The following ACTR3C variants were observed in gnomAD, a reference collection of about 807,000 sequenced individuals.
ACTR3C encodes actin-related protein 3C.
A neutral mutation model predicts 26.3 loss-of-function variants in ACTR3C; 18 were observed. The ratio of observed to expected loss-of-function variants is 0.68; its 90% confidence interval spans 0.47 to 1.01. The LOEUF (loss-of-function observed/expected upper bound fraction) is 1.01. Ranked by LOEUF, ACTR3C falls within the 50% of genes least tolerant of loss-of-function variation. ACTR3C has a pLI of 0.00. For missense variants in ACTR3C, 184 were observed against 250.7 expected (o/e 0.73, Z 1.80); for synonymous variants, 55 against 94.5 (o/e 0.58, Z 2.42).
the ACTR3C span, among the ~76,000 whole-genome samples, chr7:150,059,262 T>C: frequency 6.6e-6 from 1 of 152,206 alleles, no homozygotes; most frequent in Non-Finnish European, 1.5e-5. Context: ...AATCAGTTGT[T>C]ACAGAGGGGA....
At chr7:150,190,573 G>A in the ACTR3C span, among the ~76,000 whole-genome samples, 4 of 152,178 alleles carry the variant, frequency 2.6e-5, no homozygotes, top group South Asian at 4.1e-4. Flanking sequence ...CGCATGTCCC[G>A]TCTTCCCAGC....
At chr7:150,172,390 G>A in the ACTR3C span, among the ~76,000 whole-genome samples, 3 of 150,558 alleles carry the variant, frequency 2.0e-5, no homozygotes, top group African/African-American at 5.0e-5. Flanking sequence ...GGAAACCCCT[G>A]ATAAACACAT....
the ACTR3C span, among the ~76,000 whole-genome samples, chr7:150,089,642 T>C: frequency 1.3e-5 from 2 of 152,324 alleles, no homozygotes; most frequent in South Asian, 2.1e-4. Flanking sequence ...CTCAATGGCA[T>C]ATTGGAGACC....
At chr7:150,198,760 G>A in the ACTR3C span, among the ~76,000 whole-genome samples, 2 of 146,558 alleles carry the variant, frequency 1.4e-5, no homozygotes, top group Admixed American at 1.3e-4. Flanking sequence ...GGTGGGGGGG[G>A]GTCAGCCCCC....
At chr7:149,915,391 T>C in the ACTR3C span, among the ~76,000 whole-genome samples, 3,038 of 152,162 alleles carry the variant, frequency 0.02, 111 homozygotes, top group African/African-American at 0.068. Context: ...AAGAATACAC[T>C]ACATAACTAC....
the ACTR3C span, among the ~76,000 whole-genome samples, chr7:150,041,734 G>A: frequency 6.9e-6 from 1 of 144,942 alleles, no homozygotes; most frequent in African/African-American, 2.7e-5. Flanking sequence ...CTCCTGCGAT[G>A]GGGGTCCTAA....
At chr7:150,140,499 C>T in the ACTR3C span, among the ~76,000 whole-genome samples, 3 of 152,050 alleles carry the variant, frequency 2.0e-5, no homozygotes, top group African/African-American at 7.2e-5. Context: ...ATCAGTGCGG[C>T]AAACCTCACT....
At chr7:150,104,577 T>C in the ACTR3C span, among the ~76,000 whole-genome samples, 8 of 148,376 alleles carry the variant, frequency 5.4e-5, no homozygotes, top group Admixed American at 5.4e-4. Context: ...CCACCAAGAG[T>C]CAGTGCCATC....
At chr7:150,029,646 G>A in the ACTR3C span, among the ~76,000 whole-genome samples, 16 of 152,048 alleles carry the variant, frequency 1.1e-4, no homozygotes, top group Middle Eastern at 3.4e-3. Flanking sequence ...GGAAAATACC[G>A]AAATGGAAGC....
chr7:150,164,402 C>T, the ACTR3C span, among the ~76,000 whole-genome samples: 2 of 152,074 alleles, frequency 1.3e-5, no homozygotes, highest in Non-Finnish European at 2.9e-5. Flanking sequence ...CAAAGTAGAG[C>T]CAGTGGGAGT....
chr7:150,096,775 T>C, the ACTR3C span, among the ~76,000 whole-genome samples: 5 of 151,914 alleles, frequency 3.3e-5, no homozygotes, highest in Admixed American at 2.0e-4. Context: ...TCTTTGGCCA[T>C]GGGGCTTGCT....
chr7:150,148,930 G>A, the ACTR3C span, among the ~76,000 whole-genome samples: 1 of 151,268 alleles, frequency 6.6e-6, no homozygotes, highest in Non-Finnish European at 1.5e-5. Context: ...AATTTCCAGG[G>A]GTTAATCCAG....
rs150206801 is a variant in ACTR3C, at chr7:150,264,579, C to G, written c.565-15525G>C. The G allele has an allele frequency of 1.5e-4, 143 of 976,394 alleles. 7 individuals are homozygous for G. The African/African-American group carries it at 2.4e-3, about 16-fold the overall frequency. 60.5% of individuals were successfully genotyped at this position (976,394 alleles called of 1,614,324 possible). A position where few individuals can be genotyped will look rare whatever the true frequency, so the allele number is the denominator to read the frequency against. On this transcript the variant is annotated intron_variant, in intron 6 of 7. Transcript: ENST00000683684. ...AGTCCAGGTTATAATGTATATTACC[C>G]AGCATATACTGTATATAAATGTATA...
the ACTR3C span, among the ~76,000 whole-genome samples, chr7:150,011,042 G>A: frequency 1.4e-5 from 2 of 147,706 alleles, no homozygotes; most frequent in Non-Finnish European, 3.0e-5. Context: ...TAGTTACAGT[G>A]CTATGGCTCC....
chr7:149,937,087 G>A, the ACTR3C span, among the ~76,000 whole-genome samples: 25 of 152,210 alleles, frequency 1.6e-4, no homozygotes, highest in South Asian at 4.6e-3. Flanking sequence ...ACTGCGACTG[G>A]CCATCTGATT....
chr7:150,075,766 A>G, the ACTR3C span, among the ~76,000 whole-genome samples: 1 of 152,184 alleles, frequency 6.6e-6, no homozygotes, highest in Non-Finnish European at 1.5e-5. Context: ...ATTCCAGCTC[A>G]TGCCACATAA....
the ACTR3C span, among the ~76,000 whole-genome samples, chr7:149,944,797 A>G: frequency 6.7e-6 from 1 of 149,992 alleles, no homozygotes; most frequent in South Asian, 2.1e-4. Flanking sequence ...GTCTCTCCAA[A>G]CTACTGTAAT....
chr7:150,051,894 G>A, the ACTR3C span, among the ~76,000 whole-genome samples: 1 of 152,232 alleles, frequency 6.6e-6, no homozygotes, highest in South Asian at 2.1e-4. Flanking sequence ...GAGTTCAGCA[G>A]CCTAAGCATG....
At chr7:149,897,634 G>A in the ACTR3C span, among the ~76,000 whole-genome samples, 1 of 152,262 alleles carries the variant, frequency 6.6e-6, no homozygotes, top group Admixed American at 6.5e-5. Flanking sequence ...GGGAGGCCAA[G>A]GTGGGCAGAT....
Sources: allele counts gnomAD v4.1 joint callset (sites outside exome capture counted in the v4.1 genomes callset), GRCh38; gene constraint gnomAD v4.1.1; transcripts MANE v1.5; gene names NCBI Gene and HGNC (gene_info 2026-07-23, HGNC 2026-07-21).